TCEANC2: variants seen among roughly 807,000 people sequenced by gnomAD.
TCEANC2 encodes the protein transcription elongation factor A N-terminal and central domain-containing protein 2.
TCEANC2 carries 20 observed loss-of-function variants against 22.8 expected under a neutral mutation model. That is an observed-to-expected ratio of 0.88 (90% CI 0.62 to 1.28). TCEANC2 has a LOEUF of 1.28. TCEANC2 is among the 50% of genes most tolerant of loss of function. The pLI is 0.00. For missense variants in TCEANC2, 251 were observed against 249.7 expected, an observed-to-expected ratio of 1.01 and a Z score of -0.03; for synonymous variants, 84 against 95.5, an observed-to-expected ratio of 0.88 and a Z score of 0.70.
chr1:54,085,917 A>T (rs973960118), intron 3 of TCEANC2, among the ~76,000 whole-genome samples: 2 of 151,824 alleles, frequency 1.3e-5, no homozygotes, highest in African/African-American at 4.8e-5. Context: ...AATTTTTTGT[A>T]GAGATAGAGA....
At chr1:54,091,028 ATGTT>A (rs985571384) in intron 4 of TCEANC2, among the ~76,000 whole-genome samples, 1 of 152,136 alleles carries the variant, frequency 6.6e-6, no homozygotes, top group Non-Finnish European at 1.5e-5. Flanking sequence ...AAAAAGTGAT[ATGTT>A]TGTTAGTGTT....
intron 4 of TCEANC2, among the ~76,000 whole-genome samples, chr1:54,093,790 T>G (rs185299144): frequency 6.6e-6 from 1 of 151,996 alleles, no homozygotes; most frequent in Non-Finnish European, 1.5e-5. Context: ...CATGACTTGT[T>G]TTACAAACAC....
At chr1:54,082,359 A>T (rs997060710) in intron 3 of TCEANC2, among the ~76,000 whole-genome samples, 1 of 152,088 alleles carries the variant, frequency 6.6e-6, no homozygotes, top group Admixed American at 6.6e-5. Flanking sequence ...TTTCCTAATC[A>T]CCTCTATCCA....
intron 3 of TCEANC2, among the ~76,000 whole-genome samples, chr1:54,075,361 T>G (rs991678250): frequency 6.6e-6 from 1 of 152,188 alleles, no homozygotes; most frequent in Non-Finnish European, 1.5e-5. Context: ...GATGGGACTT[T>G]GCTAGGTCAA....
chr1:54,112,415 A>G (rs1481968972), exon 5 of TCEANC2: 1 of 152,168 alleles, frequency 6.6e-6, no homozygotes, highest in African/African-American at 2.4e-5. Context: ...AAAAGCTAAC[A>G]TTTATGGAGT....
rs1658600683 is a variant in TCEANC2 at position 54,098,590 on chromosome 1, A to C, written c.*2117A>C. The stretch of plus-strand genomic sequence containing the variant: ...TATTGTCTATCTCCCCACTCCCAGA[A>C]TGTAAGCTTCATGAAAGCAGAGTCT... On this transcript the variant is annotated 3_prime_UTR_variant, in exon 5 of 5. Coordinates refer to ENST00000234827, the MANE Select transcript of TCEANC2 (RefSeq NM_153035.3). The C allele has an allele frequency of 6.6e-6, 1 of 152,198 alleles. No individual in the cohort carries two copies. Among genetic ancestry groups the C allele is most frequent in the Non-Finnish European group, 1.5e-5 (1 of 68,062 alleles). The allele number at this position is 152,198 out of a possible 1,614,324, so 9.4% of individuals were successfully genotyped here. A position where few individuals can be genotyped will look rare whatever the true frequency, so the allele number is the denominator to read the frequency against.
At chr1:54,060,211 G>A (rs1156847584) in intron 2 of TCEANC2, among the ~76,000 whole-genome samples, 2 of 152,074 alleles carry the variant, frequency 1.3e-5, no homozygotes, top group Non-Finnish European at 2.9e-5. Flanking sequence ...TTTGAGACCA[G>A]CCTGGCCAAT....
chr1:54,064,716 G>C (rs867518974), intron 2 of TCEANC2, among the ~76,000 whole-genome samples: 2 of 77,444 alleles, frequency 2.6e-5, no homozygotes, highest in Non-Finnish European at 5.5e-5. Context: ...TTTTTTTTTT[G>C]GGGGACGGAG....
At chr1:54,070,197 A>T (rs1658031180) in intron 3 of TCEANC2, among the ~76,000 whole-genome samples, 1 of 152,144 alleles carries the variant, frequency 6.6e-6, no homozygotes, top group Admixed American at 6.5e-5. Context: ...AGCCAAGGAG[A>T]TTCTCCCATC....
intron 4 of TCEANC2, among the ~76,000 whole-genome samples, chr1:54,094,193 C>G (rs966949005): frequency 2.6e-5 from 4 of 152,106 alleles, no homozygotes; most frequent in African/African-American, 9.7e-5. Flanking sequence ...CCTGGATATT[C>G]ACTCTCTCTC....
exon 5 of TCEANC2, chr1:54,111,693 G>A (rs1368498028): frequency 2.0e-5 from 3 of 152,278 alleles, no homozygotes; most frequent in Non-Finnish European, 4.4e-5. Context: ...AAGGCAGATA[G>A]TATCACCATC....
In TCEANC2 at chr1:54,065,632, C is replaced by A. The variant is rs186017449; in HGVS notation, c.103-3124C>A. On this transcript the variant is annotated intron_variant, in intron 2 of 4. Transcript: ENST00000234827. Reference sequence around the variant, plus strand: ...ACTTGGGAGACTGAGGTGGGAGGACCACTTGAGCCCAGGAGATCGAGGCTG... The same window carrying A: ...ACTTGGGAGACTGAGGTGGGAGGACAACTTGAGCCCAGGAGATCGAGGCTG... Among the ~76,000 whole-genome samples, 920 of 152,050 alleles carry A rather than the reference C, an allele frequency of 6.1e-3. 7 individuals are homozygous for A. The highest frequency in any genetic ancestry group is 0.026 in the Admixed American group (402 of 15,280).
intron 2 of TCEANC2, among the ~76,000 whole-genome samples, chr1:54,057,040 TAA>T (rs758678252): frequency 4.2e-5 from 6 of 141,724 alleles, no homozygotes; most frequent in Admixed American, 7.1e-5. Context: ...AGACACCATT[TAA>T]AAAAAAAAAA....
rs183309743 is a variant in TCEANC2 at position 54,070,018 on chromosome 1, G to C, written c.244+1121G>C. 2.9e-3 allele frequency among the ~76,000 whole-genome samples: 441 copies of C among 152,236 alleles called. 3 individuals carry two copies. Among genetic ancestry groups the C allele is most frequent in the Middle Eastern group, 0.024 (7 of 294 alleles). On this transcript the variant is annotated intron_variant, in intron 3 of 4. Transcript: ENST00000234827. ...TTGGTCTGCCTCCCCTTGACCTCTT[G>C]TTCATGAGAAGCAGGAGAGAGAGCA...
intron 3 of TCEANC2, among the ~76,000 whole-genome samples, chr1:54,082,261 T>G (rs77909973): frequency 0.016 from 2,396 of 152,328 alleles, 57 homozygotes; most frequent in African/African-American, 0.054. Flanking sequence ...CAGCAGTGGA[T>G]AAGAATTAGA....
Position 54,103,795 on chromosome 1 carries a change from TAGATGTATATTCC to T in TCEANC2, c.*7327_*7339del, listed in dbSNP as rs1658700641. On this transcript the variant is annotated 3_prime_UTR_variant, in exon 5 of 5. Coordinates refer to ENST00000234827, the MANE Select transcript of TCEANC2 (RefSeq NM_153035.3). ...GAGCTGTGATTCATTTTCACTGGCA[TAGATGTATATTCC>T]AGATACGAGTTCATCTTCACTGCTT... 6.6e-6 allele frequency: 1 copy of T among 152,222 alleles called. No individual in the cohort carries two copies. Among genetic ancestry groups the T allele is most frequent in the Admixed American group, 6.5e-5 (1 of 15,282 alleles). 9.4% of individuals were successfully genotyped at this position (152,222 alleles called of 1,614,324 possible). A position where few individuals can be genotyped will look rare whatever the true frequency, so the allele number is the denominator to read the frequency against.
At chr1:54,065,159 C>G (rs1000936697) in intron 2 of TCEANC2, among the ~76,000 whole-genome samples, 1 of 152,086 alleles carries the variant, frequency 6.6e-6, no homozygotes, top group African/African-American at 2.4e-5. Context: ...AGAAGAAAAA[C>G]AGAACTTGTC....
intron 4 of TCEANC2, among the ~76,000 whole-genome samples, chr1:54,095,035 CTT>C (rs1283765284): frequency 6.6e-6 from 1 of 152,110 alleles, no homozygotes; most frequent in Non-Finnish European, 1.5e-5. Flanking sequence ...AATCCTAGCT[CTT>C]GAGAGGCTGA....
At chr1:54,092,428 T>C (rs4926619) in intron 4 of TCEANC2, among the ~76,000 whole-genome samples, 85,354 of 152,034 alleles carry the variant, frequency 0.56, 26,690 homozygotes, top group African/African-American at 0.84. Flanking sequence ...TTGTAAGAGG[T>C]GTAGGATTTT....
Sources: allele counts gnomAD v4.1 joint callset (sites outside exome capture counted in the v4.1 genomes callset), GRCh38; gene constraint gnomAD v4.1.1; transcripts MANE v1.5; gene names NCBI Gene and HGNC (gene_info 2026-07-23, HGNC 2026-07-21).